The following PLPP4 variants were observed in gnomAD, a reference collection of about 807,000 sequenced individuals.
PLPP4 encodes the protein phospholipid phosphatase 4, also known as diacylglycerol pyrophosphate like 2.
A neutral mutation model predicts 32.2 loss-of-function variants in PLPP4; 20 were observed. The observed-to-expected ratio is 0.62, with a 90% confidence interval of 0.44 to 0.90. The LOEUF (loss-of-function observed/expected upper bound fraction) is 0.90. Among genes scored for constraint, PLPP4 ranks in the 40% least tolerant of loss-of-function variants. The probability of loss-of-function intolerance (pLI) is 0.00; values close to 1 mark genes in which losing one functional copy is unlikely to be tolerated. For missense variants in PLPP4, 257 were observed against 353.1 expected (o/e 0.73, Z 2.18); for synonymous variants, 127 against 133.0 (o/e 0.95, Z 0.31).
At chr10:120,469,587 T>A (rs1462419480) in intron 1 of PLPP4, among the ~76,000 whole-genome samples, 1 of 152,156 alleles carries the variant, frequency 6.6e-6, no homozygotes. Flanking sequence ...CCACAATGAA[T>A]GTGATGGAAA....
chr10:120,580,493 G>A (rs1054694790), intron 6 of PLPP4, among the ~76,000 whole-genome samples: 1 of 152,100 alleles, frequency 6.6e-6, no homozygotes, highest in African/African-American at 2.4e-5. Flanking sequence ...AGTTACAAAG[G>A]GAACTTTTTA....
Position 120,589,317 on chromosome 10 carries a change from G to T in PLPP4, c.631G>T (p.Gly211Ter), listed in dbSNP as rs1233988704. ...KHHWQDSFVG[G>*]VIGLIFAYIC... The stretch of plus-strand genomic sequence containing the variant: ...TTCCTGCCTAGATTCCTTTGTGGGT[G>T]GAGTCATCGGCCTCATTTTTGCATA... Residue 211 changes from glycine to a stop codon, truncating the protein, a stop_gained, in exon 7 of 7, where the codon GGA becomes TGA. Transcript: ENST00000398250. LOFTEE classifies it high-confidence loss of function. 1 of 1,614,014 alleles carries T rather than the reference G, an allele frequency of 6.2e-7. No homozygotes were observed. Among genetic ancestry groups the T allele is most frequent in the Non-Finnish European group, 8.5e-7 (1 of 1,180,000 alleles).
In PLPP4 at chr10:120,495,498, A is replaced by G. The variant is rs573184345; in HGVS notation, c.57-8320A>G. ...TGCTGACCACATCGGATGCCTGTTT[A>G]TAAGAGCTTTTCCCCATTGCCCGAG... On this transcript the variant is annotated intron_variant, in intron 1 of 6. Coordinates refer to ENST00000398250, the MANE Select transcript of PLPP4 (RefSeq NM_001030059.3). Among the ~76,000 whole-genome samples, 8 of 152,264 alleles carry G rather than the reference A, an allele frequency of 5.3e-5. No individual in the cohort carries two copies. In the East Asian group the frequency reaches 9.7e-4, roughly 18 times the overall value.
chr10:120,478,395 C>A (rs1844032814), intron 1 of PLPP4, among the ~76,000 whole-genome samples: 1 of 152,192 alleles, frequency 6.6e-6, no homozygotes, highest in Non-Finnish European at 1.5e-5. Context: ...AAGCTCACCT[C>A]TTCCAAAACC....
chr10:120,521,682 G>A (rs186742645), intron 5 of PLPP4, among the ~76,000 whole-genome samples: 133 of 152,270 alleles, frequency 8.7e-4, no homozygotes, highest in African/African-American at 3.1e-3. Context: ...GCTCTGCCAG[G>A]TATTAGCTCT....
At chr10:120,531,868 CACACT>C (rs1175089936) in intron 5 of PLPP4, among the ~76,000 whole-genome samples, 9 of 101,670 alleles carry the variant, frequency 8.9e-5, no homozygotes, top group Admixed American at 3.9e-4. Context: ...ACACACTACA[CACACT>C]ACACACACAC....
At chr10:120,567,279 T>A (rs1429845501) in intron 5 of PLPP4, among the ~76,000 whole-genome samples, 1 of 152,232 alleles carries the variant, frequency 6.6e-6, no homozygotes, top group Non-Finnish European at 1.5e-5. Context: ...GAAATAGACA[T>A]GTCTGGGTGT....
intron 1 of PLPP4, among the ~76,000 whole-genome samples, chr10:120,467,894 A>T (rs1848388330): frequency 1.6e-5 from 1 of 62,444 alleles, no homozygotes; most frequent in African/African-American, 3.4e-5. Flanking sequence ...CCTCCCACCC[A>T]CTCACCCGCT....
At chr10:120,549,025 T>G (rs932848566) in intron 5 of PLPP4, among the ~76,000 whole-genome samples, 2 of 151,842 alleles carry the variant, frequency 1.3e-5, no homozygotes, top group African/African-American at 4.8e-5. Context: ...AATTCCAAAA[T>G]TTTTAGATAA....
chr10:120,524,556 T>C (rs572733114), intron 5 of PLPP4, among the ~76,000 whole-genome samples: 1 of 152,340 alleles, frequency 6.6e-6, no homozygotes, highest in African/African-American at 2.4e-5. Context: ...TCTTTGAACT[T>C]AAGAACAAAC....
At chr10:120,542,194 C>T (rs1847377136) in intron 5 of PLPP4, among the ~76,000 whole-genome samples, 1 of 152,192 alleles carries the variant, frequency 6.6e-6, no homozygotes. Context: ...AGTGGTTGCA[C>T]CCATACCGAC....
At chr10:120,557,702 T>C (rs1313088946) in intron 5 of PLPP4, among the ~76,000 whole-genome samples, 2 of 152,214 alleles carry the variant, frequency 1.3e-5, no homozygotes, top group African/African-American at 4.8e-5. Flanking sequence ...TCGGCATGCA[T>C]AGCCCTGGCA....
intron 1 of PLPP4, among the ~76,000 whole-genome samples, chr10:120,482,902 ACT>A (rs1307059233): frequency 1.3e-5 from 2 of 151,910 alleles, no homozygotes; most frequent in Non-Finnish European, 2.9e-5. Flanking sequence ...ACAGAGTGAG[ACT>A]CTGTATTATT....
At chr10:120,534,541 C>T (rs1256710733) in intron 5 of PLPP4, among the ~76,000 whole-genome samples, 1 of 151,708 alleles carries the variant, frequency 6.6e-6, no homozygotes, top group Admixed American at 6.6e-5. Context: ...TTCTGCTCCC[C>T]CTCCTCTCTT....
intron 5 of PLPP4, among the ~76,000 whole-genome samples, chr10:120,558,871 A>G (rs1432773743): frequency 6.6e-6 from 1 of 152,180 alleles, no homozygotes. Context: ...CTTCTTCCAA[A>G]TATAACTCTC....
chr10:120,526,330 T>C (rs1376300697), intron 5 of PLPP4, among the ~76,000 whole-genome samples: 2 of 152,150 alleles, frequency 1.3e-5, no homozygotes, highest in African/African-American at 4.8e-5. Flanking sequence ...TCCTTAAATA[T>C]CTGGTACCTT....
chr10:120,503,603 A>G, intron 1 of PLPP4: 1 of 1,610,240 alleles, frequency 6.2e-7, no homozygotes, highest in South Asian at 1.1e-5. Flanking sequence ...TCCTTCTGGC[A>G]GGTAGTGATG....
chr10:120,491,678 A>G (rs1428847565), intron 1 of PLPP4, among the ~76,000 whole-genome samples: 1 of 152,164 alleles, frequency 6.6e-6, no homozygotes, highest in African/African-American at 2.4e-5. Flanking sequence ...AAAATTTTTA[A>G]ATACCCTCCA....
At chr10:120,498,921 A>G (rs1845102873) in intron 1 of PLPP4, among the ~76,000 whole-genome samples, 1 of 152,050 alleles carries the variant, frequency 6.6e-6, no homozygotes, top group African/African-American at 2.4e-5. Context: ...TGGCCTCCCA[A>G]AATCACTTCT....
Sources: allele counts gnomAD v4.1 joint callset (sites outside exome capture counted in the v4.1 genomes callset), GRCh38; gene constraint gnomAD v4.1.1; transcripts MANE v1.5; gene names NCBI Gene and HGNC (gene_info 2026-07-23, HGNC 2026-07-21).